Variants in BCAP29 observed in about 807,000 individuals in gnomAD.
BCAP29 encodes the protein B-cell receptor-associated protein 29.
In BCAP29, 34 loss-of-function variants were observed where a neutral mutation model predicts 31.8. That is an observed-to-expected ratio of 1.07 (90% CI 0.81 to 1.42). BCAP29 has a LOEUF of 1.42. BCAP29 is among the 40% of genes most tolerant of loss of function. The pLI, the probability that BCAP29 is intolerant of heterozygous loss-of-function variation, is 0.00. For missense variants in BCAP29, 314 were observed against 269.2 expected (o/e 1.17, Z -1.16); for synonymous variants, 104 against 91.3 (o/e 1.14, Z -0.79).
At chr7:107,605,831 T>G (rs1811987663) in intron 6 of BCAP29, among the ~76,000 whole-genome samples, 1 of 152,218 alleles carries the variant, frequency 6.6e-6, no homozygotes, top group Non-Finnish European at 1.5e-5. Flanking sequence ...GGTTCATGTT[T>G]ATGGCCAAGT....
chr7:107,585,609 C>CT (rs533424127), intron 3 of BCAP29, among the ~76,000 whole-genome samples: 235 of 152,306 alleles, frequency 1.5e-3, no homozygotes, highest in African/African-American at 5.5e-3. Context: ...TCTTCTAACT[C>CT]TAAAATTATC....
chr7:107,616,859 C>T (rs1043812484), intron 7 of BCAP29, among the ~76,000 whole-genome samples: 20 of 152,164 alleles, frequency 1.3e-4, no homozygotes, highest in African/African-American at 4.6e-4. Flanking sequence ...GTGCCTCAGC[C>T]TTCTGAGTGA....
chr7:107,588,681 A>G (rs964081839), intron 3 of BCAP29, among the ~76,000 whole-genome samples: 22 of 152,310 alleles, frequency 1.4e-4, no homozygotes, highest in African/African-American at 4.8e-4. Context: ...GGCATAGACA[A>G]CGATATAGAA....
intron 3 of BCAP29, among the ~76,000 whole-genome samples, chr7:107,591,676 C>G (rs953423436): frequency 4.0e-5 from 1 of 25,086 alleles, no homozygotes; most frequent in Non-Finnish European, 7.3e-5. Flanking sequence ...TTCTTTTTCC[C>G]TGGAGAACCC....
chr7:107,591,674 C>G (rs1808862454), intron 3 of BCAP29, among the ~76,000 whole-genome samples: 1 of 22,774 alleles, frequency 4.4e-5, no homozygotes, highest in Non-Finnish European at 8.0e-5. Context: ...GGTTCTTTTT[C>G]CCTGGAGAAC....
intron 7 of BCAP29, among the ~76,000 whole-genome samples, chr7:107,614,009 T>C (rs1562799405): frequency 6.6e-6 from 1 of 152,202 alleles, no homozygotes; most frequent in Non-Finnish European, 1.5e-5. Flanking sequence ...GTTAGGCTTG[T>C]CTTTCCTCCC....
chr7:107,621,258 T>C (rs1814946280), downstream of BCAP29: 1 of 189,676 alleles, frequency 5.3e-6, no homozygotes, highest in Non-Finnish European at 1.1e-5. Context: ...ATGATCCGTC[T>C]AGAGTCCATG....
At chr7:107,580,550 C>G (rs1036704676) in intron 1 of BCAP29, 46 of 464,684 alleles carry the variant, frequency 9.9e-5, no homozygotes, top group African/African-American at 9.5e-4. Context: ...AGCGAGCCGC[C>G]TCGCCAGTTC....
At chr7:107,586,593 C>T (rs905778772) in intron 3 of BCAP29, among the ~76,000 whole-genome samples, 21 of 152,180 alleles carry the variant, frequency 1.4e-4, no homozygotes, top group Admixed American at 9.2e-4. Flanking sequence ...GAGTCCACAA[C>T]GATGTAAATA....
downstream of BCAP29, chr7:107,623,053 C>G (rs892609301): frequency 2.0e-5 from 3 of 151,936 alleles, no homozygotes; most frequent in Non-Finnish European, 4.4e-5. Flanking sequence ...CTTCCTCTGT[C>G]CTGCTGCTTG....
chr7:107,611,284 A>G (rs946329616), intron 6 of BCAP29, among the ~76,000 whole-genome samples: 1 of 152,164 alleles, frequency 6.6e-6, no homozygotes, highest in African/African-American at 2.4e-5. Context: ...CTACCATTGT[A>G]GGCCAGGGGC....
chr7:107,580,850 T>TG lies in BCAP29; in HGVS notation c.78_79insG (p.Ile27AspfsTer13). On this transcript the variant is annotated frameshift_variant, in exon 2 of 8. Transcript: ENST00000005259. LOFTEE classifies it high-confidence loss of function. ...TCATTTTAATCTTCTGCCTACCTTTTATTCCTCCTCAGAGGTAGGAAACCT... is the reference window on the plus strand; with the variant it reads ...TCATTTTAATCTTCTGCCTACCTTTTGATTCCTCCTCAGAGGTAGGAAACCT... 1 of 1,592,984 alleles carries TG rather than the reference T, an allele frequency of 6.3e-7. No individual in the cohort carries two copies. The highest frequency in any genetic ancestry group is 1.1e-5 in the South Asian group (1 of 87,976).
At chr7:107,602,128 T>C (rs1304445475) in intron 6 of BCAP29, among the ~76,000 whole-genome samples, 1 of 152,236 alleles carries the variant, frequency 6.6e-6, no homozygotes, top group Non-Finnish European at 1.5e-5. Flanking sequence ...CTTCTGTGTT[T>C]GAAGTATAGA....
At chr7:107,609,676 A>G (rs1021378651) in intron 6 of BCAP29, among the ~76,000 whole-genome samples, 1 of 152,218 alleles carries the variant, frequency 6.6e-6, no homozygotes, top group African/African-American at 2.4e-5. Flanking sequence ...ACTGAACAGA[A>G]GTTTGTATGT....
At chr7:107,597,679 C>G (rs2129242911) in intron 5 of BCAP29, among the ~76,000 whole-genome samples, 1 of 152,286 alleles carries the variant, frequency 6.6e-6, no homozygotes, top group East Asian at 1.9e-4. Context: ...TGTACAAGAT[C>G]ATTCAACTAA....
chr7:107,599,262 A>T (rs1376645111), intron 5 of BCAP29, among the ~76,000 whole-genome samples: 1 of 123,750 alleles, frequency 8.1e-6, no homozygotes, highest in African/African-American at 3.3e-5. Flanking sequence ...TATAATTTTT[A>T]TATATATATT....
At chr7:107,615,359 T>C in intron 7 of BCAP29, 1 of 456,392 alleles carries the variant, frequency 2.2e-6, no homozygotes, top group Non-Finnish European at 4.4e-6. Flanking sequence ...TCCCAGCACT[T>C]TGGAAGGCTG....
chr7:107,610,460 C>A (rs1002192802), intron 6 of BCAP29, among the ~76,000 whole-genome samples: 1 of 151,950 alleles, frequency 6.6e-6, no homozygotes, highest in African/African-American at 2.4e-5. Flanking sequence ...TTATATAGTC[C>A]CTTGGTTACA....
Position 107,619,631 on chromosome 7 carries a change from C to T in BCAP29, c.*1268C>T, listed in dbSNP as rs929103535. On this transcript the variant is annotated 3_prime_UTR_variant, in exon 8 of 8. Coordinates refer to ENST00000005259, the MANE Select transcript of BCAP29 (RefSeq NM_018844.4). ...AAACAGACATGTAGGAGACATTCAA[C>T]AGGAGTATGAAATGAGAGTTAGACC... 3.3e-5 allele frequency: 5 copies of T among 152,040 alleles called. No homozygotes were observed. The highest frequency in any genetic ancestry group is 1.2e-4 in the African/African-American group (5 of 41,402). The allele number at this position is 152,040 out of a possible 1,614,324, so 9.4% of individuals were successfully genotyped here.
Sources: allele counts gnomAD v4.1 joint callset (sites outside exome capture counted in the v4.1 genomes callset), GRCh38; gene constraint gnomAD v4.1.1; transcripts MANE v1.5; gene names NCBI Gene and HGNC (gene_info 2026-07-23, HGNC 2026-07-21).